JADE3: variants seen among roughly 807,000 people sequenced by gnomAD.
JADE3 encodes jade family PHD finger 3.
JADE3 carries 2 observed loss-of-function variants against 50.1 expected under a neutral mutation model. That is an observed-to-expected ratio of 0.04 (90% CI 0.02 to 0.13). JADE3 has a LOEUF of 0.13. Ranked by LOEUF, JADE3 falls within the 10% of genes least tolerant of loss-of-function variation. The pLI is 1.00. For synonymous variants in JADE3, 218 were observed against 232.9 expected (o/e 0.94, Z 0.58); for missense variants, 475 against 634.4 (o/e 0.75, Z 2.70).
intron 4 of JADE3, among the ~76,000 whole-genome samples, chrX:47,018,551 G>T (rs1928725988): frequency 9.0e-6 from 1 of 111,183 alleles, no homozygotes; most frequent in Admixed American, 9.6e-5. Context: ...AGCCAGGATG[G>T]TCTCGATCTC....
rs782618366 is a variant in JADE3 at position 47,008,425 on chromosome X, T to C, written c.284+10148T>C. ...GGTGCTTGCTCCATGTTGTAAGTTATGCAATGAAAAGGAGTTAAGCATTGT... is the reference window on the plus strand; with the variant it reads ...GGTGCTTGCTCCATGTTGTAAGTTACGCAATGAAAAGGAGTTAAGCATTGT... On this transcript the variant is annotated intron_variant, in intron 4 of 10. Coordinates refer to ENST00000614628, the MANE Select transcript of JADE3 (RefSeq NM_014735.5). 2.7e-5 allele frequency among the ~76,000 whole-genome samples: 3 copies of C among 112,407 alleles called. No homozygotes were observed. In the South Asian group the frequency reaches 1.1e-3, roughly 42 times the overall value.
intron 1 of JADE3, among the ~76,000 whole-genome samples, chrX:46,953,205 C>G (rs1477460463): frequency 1.1e-5 from 1 of 89,419 alleles, no homozygotes; most frequent in African/African-American, 4.1e-5. Flanking sequence ...GGATTCCCCC[C>G]CCACCGCCCC....
chrX:47,049,744 C>CTCT (rs1393493826), intron 8 of JADE3, among the ~76,000 whole-genome samples: 1 of 102,710 alleles, frequency 9.7e-6, no homozygotes, highest in East Asian at 3.1e-4. Context: ...CTGCGCCTGG[C>CTCT]TCTTCTTCTT....
At chrX:47,016,011 C>T (rs1928668325) in intron 4 of JADE3, among the ~76,000 whole-genome samples, 4 of 111,295 alleles carry the variant, frequency 3.6e-5, no homozygotes, top group South Asian at 3.8e-4. Flanking sequence ...TTATGAATGG[C>T]GCTTTTATTT....
intron 4 of JADE3, among the ~76,000 whole-genome samples, chrX:47,010,306 A>G (rs1556361283): frequency 9.0e-6 from 1 of 111,516 alleles, no homozygotes; most frequent in Non-Finnish European, 1.9e-5. Flanking sequence ...TAGGCTCACC[A>G]CAACCTCCGT....
At chrX:47,031,900 G>A (rs59621587) in intron 6 of JADE3, among the ~76,000 whole-genome samples, 22,520 of 110,325 alleles carry the variant, frequency 0.2, 2,027 homozygotes, top group East Asian at 0.37. Context: ...AACACATGAT[G>A]CTGACTATGT....
rs374484323 is a variant in JADE3 at position 46,935,519 on chromosome X, A to G, written c.-12+22800A>G. On this transcript the variant is annotated intron_variant, in intron 1 of 10. Coordinates refer to ENST00000614628, the MANE Select transcript of JADE3 (RefSeq NM_014735.5). ...AAGCAAACATTCCTGCCTGAGCTCCACCTCCTATCAGATCAGTGGTTGCAT... is the reference window on the plus strand; with the variant it reads ...AAGCAAACATTCCTGCCTGAGCTCCGCCTCCTATCAGATCAGTGGTTGCAT... Among the ~76,000 whole-genome samples, 68 of 110,070 alleles carry G rather than the reference A, an allele frequency of 6.2e-4. No homozygotes were observed. In the South Asian group the frequency reaches 0.024, roughly 39 times the overall value.
chrX:46,949,250 A>T (rs1353085131), intron 1 of JADE3, among the ~76,000 whole-genome samples: 1 of 111,779 alleles, frequency 8.9e-6, no homozygotes, highest in Non-Finnish European at 1.9e-5. Flanking sequence ...AATCTACTCT[A>T]CTAGTGATGA....
At chrX:46,957,043 T>G (rs1367482515) in intron 1 of JADE3, among the ~76,000 whole-genome samples, 1 of 110,834 alleles carries the variant, frequency 9.0e-6, no homozygotes, top group Non-Finnish European at 1.9e-5. Context: ...AAGGCTGATC[T>G]CAAACTCCTG....
chrX:46,953,212 C>A (rs1439024115), intron 1 of JADE3, among the ~76,000 whole-genome samples: 2 of 98,746 alleles, frequency 2.0e-5, no homozygotes, highest in Non-Finnish European at 4.1e-5. Flanking sequence ...CCCCCCACCG[C>A]CCCCCACCGC....
intron 1 of JADE3, among the ~76,000 whole-genome samples, chrX:46,944,023 C>T (rs1556342779): frequency 9.0e-6 from 1 of 110,820 alleles, no homozygotes; most frequent in African/African-American, 3.3e-5. Flanking sequence ...CTCTGAGGAT[C>T]TCTTGTATTT....
At chrX:47,016,681 G>GT (rs1267704921) in intron 4 of JADE3, among the ~76,000 whole-genome samples, 2 of 106,122 alleles carry the variant, frequency 1.9e-5, no homozygotes, top group African/African-American at 7.1e-5. Context: ...TATTTTTAAT[G>GT]TTTGTCTTTT....
At position 46,966,562 on chromosome X, in the gene JADE3, A is replaced by G. The variant is rs1382102152; in HGVS notation, c.-11-18322A>G. On this transcript the variant is annotated intron_variant, in intron 1 of 10. Coordinates refer to ENST00000614628, the MANE Select transcript of JADE3 (RefSeq NM_014735.5). ...TCTGGAAGCCAAAGGAGTAGTTTCAAGAAGGCCAGAGTGATCAGCGTGTCA... is the reference window on the plus strand; with the variant it reads ...TCTGGAAGCCAAAGGAGTAGTTTCAGGAAGGCCAGAGTGATCAGCGTGTCA... 3.6e-5 allele frequency among the ~76,000 whole-genome samples: 4 copies of G among 111,614 alleles called. No individual in the cohort carries two copies. In the East Asian group the frequency reaches 1.1e-3, roughly 31 times the overall value.
At chrX:46,999,450 T>C (rs1556358366) in intron 4 of JADE3, among the ~76,000 whole-genome samples, 1 of 103,505 alleles carries the variant, frequency 9.7e-6, no homozygotes, top group Non-Finnish European at 1.9e-5. Flanking sequence ...TATATATATA[T>C]AACATATATA....
chrX:47,042,722 C>T (rs782207796), intron 8 of JADE3, among the ~76,000 whole-genome samples: 1 of 111,475 alleles, frequency 9.0e-6, no homozygotes, highest in African/African-American at 3.3e-5. Context: ...GTTCTTGACT[C>T]CAGGCCTTGG....
At chrX:47,006,094 G>T (rs1928410357) in intron 4 of JADE3, among the ~76,000 whole-genome samples, 1 of 111,885 alleles carries the variant, frequency 8.9e-6, no homozygotes. Flanking sequence ...CCAGATATTA[G>T]AATAGTTTAA....
At chrX:46,965,470 A>G (rs1193057266) in intron 1 of JADE3, among the ~76,000 whole-genome samples, 1 of 111,393 alleles carries the variant, frequency 9.0e-6, no homozygotes, top group Non-Finnish European at 1.9e-5. Flanking sequence ...AGATTTGATA[A>G]TATTAGTGGT....
chrX:47,012,380 A>G (rs1556361879), intron 4 of JADE3, among the ~76,000 whole-genome samples: 2 of 110,671 alleles, frequency 1.8e-5, no homozygotes, highest in African/African-American at 6.6e-5. Flanking sequence ...CCAGGATCTC[A>G]AGGCCATACT....
intron 1 of JADE3, among the ~76,000 whole-genome samples, chrX:46,961,049 A>G (rs1229080817): frequency 4.5e-5 from 5 of 112,253 alleles, no homozygotes; most frequent in African/African-American, 1.6e-4. Context: ...TTTGGAAAGA[A>G]TAAATGCCCC....
Sources: gnomAD v4.1 joint callset for allele counts (sites outside exome capture counted in the v4.1 genomes callset) on GRCh38, gnomAD v4.1.1 for gene constraint, MANE v1.5 for transcripts, NCBI Gene and HGNC (gene_info 2026-07-23, HGNC 2026-07-21) for gene names.